ATP10A: variants seen among roughly 807,000 people sequenced by gnomAD.
The protein encoded by ATP10A is phospholipid-transporting ATPase VA.
In ATP10A, 111 loss-of-function variants were observed where a neutral mutation model predicts 147.8. The observed-to-expected ratio is 0.75, with a 90% CI of 0.64 to 0.88. The LOEUF (loss-of-function observed/expected upper bound fraction) is 0.88. Among genes scored for constraint, ATP10A ranks in the 40% least tolerant of loss-of-function variants. The pLI is 0.00. For synonymous variants in ATP10A, 875 were observed against 841.6 expected (o/e 1.04, Z -0.69); for missense variants, 1,927 against 1,959.0 (o/e 0.98, Z 0.31).
chr15:25,724,237 TGA>T (rs749464010), intron 5 of ATP10A, among the ~76,000 whole-genome samples: 5 of 152,224 alleles, frequency 3.3e-5, no homozygotes, highest in African/African-American at 9.6e-5. Flanking sequence ...TTCCTTACAC[TGA>T]GAGTTTCCCA....
At chr15:25,844,355 T>C (rs1478801173) in intron 1 of ATP10A, among the ~76,000 whole-genome samples, 3 of 152,148 alleles carry the variant, frequency 2.0e-5, no homozygotes, top group Non-Finnish European at 2.9e-5. Context: ...AGTTAAATTA[T>C]GAGGCAAGTA....
At chr15:25,706,155 A>G (rs778951737) in intron 12 of ATP10A, among the ~76,000 whole-genome samples, 1 of 152,220 alleles carries the variant, frequency 6.6e-6, no homozygotes, top group Non-Finnish European at 1.5e-5. Flanking sequence ...AAAAGGCCTA[A>G]GAAGATGACT....
chr15:25,741,346 G>T (rs951310392), intron 2 of ATP10A, among the ~76,000 whole-genome samples: 2 of 152,078 alleles, frequency 1.3e-5, no homozygotes, highest in African/African-American at 4.8e-5. Flanking sequence ...CCTGCCTGCC[G>T]CACCATCTCC....
At chr15:25,821,719 CT>C (rs1203462101) in intron 1 of ATP10A, among the ~76,000 whole-genome samples, 1 of 152,162 alleles carries the variant, frequency 6.6e-6, no homozygotes, top group African/African-American at 2.4e-5. Flanking sequence ...ACATTGTAGT[CT>C]TTAGAAATCA....
chr15:25,685,331 C>G (rs543392717), intron 16 of ATP10A, among the ~76,000 whole-genome samples: 4 of 152,290 alleles, frequency 2.6e-5, no homozygotes, highest in African/African-American at 9.6e-5. Context: ...GTCCTCTTCT[C>G]CTTTCTGCAC....
rs548200648 is a variant in ATP10A, at chr15:25,740,027, C to T, written c.655-3886G>A. Among the ~76,000 whole-genome samples, 15 of 152,308 alleles carry T rather than the reference C, an allele frequency of 9.8e-5. No homozygotes were observed. In the South Asian group the frequency reaches 2.9e-3, roughly 29 times the overall value. ...TAGAACAGCTGTGTCCCCTCTTCAACCACATGGGGGAGGCGTGTGTCTAAT... is the reference window on the plus strand; with the variant it reads ...TAGAACAGCTGTGTCCCCTCTTCAATCACATGGGGGAGGCGTGTGTCTAAT... On this transcript the variant is annotated intron_variant, in intron 2 of 20. Transcript: ENST00000555815.
chr15:25,847,366 A>G (rs1202183229), intron 1 of ATP10A, among the ~76,000 whole-genome samples: 6 of 152,200 alleles, frequency 3.9e-5, no homozygotes, highest in Admixed American at 2.0e-4. Flanking sequence ...GGAACAATGA[A>G]GAATTTATAA....
Position 25,781,123 on chromosome 15 carries a change from G to A in ATP10A, c.550C>T (p.Leu184Phe). ...AGCCCGTCGGGGTCACTGGAGGAGAGCAGCAGAATGTCCGCAGGGAAGATT... is the reference window on the plus strand; with the variant it reads ...AGCCCGTCGGGGTCACTGGAGGAGAACAGCAGAATGTCCGCAGGGAAGATT... ...NEIFPADILL[L>F]SSSDPDGLCH... The change falls in exon 2 of 21, where the codon CTC becomes TTC. Residue 184 changes from leucine to phenylalanine, a missense_variant. Physicochemically the swap from Leu to Phe is conservative, Grantham distance 22. Transcript: ENST00000555815. The A allele has an allele frequency of 1.2e-6, 2 of 1,614,228 alleles. No homozygotes were observed. The highest frequency in any genetic ancestry group is 1.1e-5 in the South Asian group (1 of 91,086).
At chr15:25,787,860 G>A (rs1890242375) in intron 1 of ATP10A, among the ~76,000 whole-genome samples, 1 of 152,064 alleles carries the variant, frequency 6.6e-6, no homozygotes, top group South Asian at 2.1e-4. Flanking sequence ...GCATAGATGA[G>A]GGATGAACTC....
At chr15:25,707,278 A>G (rs1186057759) in intron 12 of ATP10A, among the ~76,000 whole-genome samples, 2 of 152,140 alleles carry the variant, frequency 1.3e-5, no homozygotes, top group Non-Finnish European at 2.9e-5. Flanking sequence ...AGTGAAGATG[A>G]CCTGCCCAGG....
At position 25,734,778 on chromosome 15, in the gene ATP10A, G is replaced by A. The variant is rs138371732; in HGVS notation, c.740+1278C>T. Among the ~76,000 whole-genome samples, 757 of 152,230 alleles carry A rather than the reference G, an allele frequency of 5.0e-3. 9 individuals are homozygous for A. Among genetic ancestry groups the A allele is most frequent in the African/African-American group, 0.017 (717 of 41,546 alleles). On this transcript the variant is annotated intron_variant, in intron 3 of 20. Coordinates refer to ENST00000555815, the MANE Select transcript of ATP10A (RefSeq NM_024490.4). ...AATAAGGGCAATTCCAGTGGGTGACGGGGCCATCACTTGGCTGCAGACACA... is the reference window on the plus strand; with the variant it reads ...AATAAGGGCAATTCCAGTGGGTGACAGGGCCATCACTTGGCTGCAGACACA...
chr15:25,793,900 A>G (rs1890546068), intron 1 of ATP10A, among the ~76,000 whole-genome samples: 1 of 152,188 alleles, frequency 6.6e-6, no homozygotes, highest in Non-Finnish European at 1.5e-5. Flanking sequence ...GACTCACCCC[A>G]GGGTTCTCCG....
intron 12 of ATP10A, among the ~76,000 whole-genome samples, chr15:25,705,461 A>AAC (rs1900932918): frequency 3.7e-4 from 1 of 2,700 alleles, no homozygotes; most frequent in South Asian, 0.05. Context: ...AAACAAAAAA[A>AAC]AAAAACAAAA....
At chr15:25,750,439 A>G (rs1888084562) in intron 2 of ATP10A, among the ~76,000 whole-genome samples, 1 of 152,116 alleles carries the variant, frequency 6.6e-6, no homozygotes, top group South Asian at 2.1e-4. Flanking sequence ...TCCATACCAG[A>G]AAAAAATGAT....
At chr15:25,844,660 G>A (rs1181475675) in intron 1 of ATP10A, among the ~76,000 whole-genome samples, 1 of 152,190 alleles carries the variant, frequency 6.6e-6, no homozygotes, top group Non-Finnish European at 1.5e-5. Context: ...AAAGGAAGAA[G>A]AGGGCTCCTG....
Position 25,708,119 on chromosome 15 carries a change from G to T in ATP10A, c.2449-17C>A, listed in dbSNP as rs564268861. ...ACTCAGAACCTATGGGAGATACATTGTTGAGTGCTGCACCGGGCGCTGCTC... is the reference window on the plus strand; with the variant it reads ...ACTCAGAACCTATGGGAGATACATTTTTGAGTGCTGCACCGGGCGCTGCTC... On this transcript the variant is annotated splice_polypyrimidine_tract_variant and intron_variant, in intron 11 of 20. Coordinates refer to ENST00000555815, the MANE Select transcript of ATP10A (RefSeq NM_024490.4). 3.1e-6 allele frequency: 5 copies of T among 1,613,370 alleles called. No homozygotes were observed. The African/African-American group carries it at 6.7e-5, about 21-fold the overall frequency.
intron 1 of ATP10A, among the ~76,000 whole-genome samples, chr15:25,785,799 C>T (rs1429537517): frequency 3.3e-5 from 5 of 152,156 alleles, no homozygotes; most frequent in Non-Finnish European, 7.3e-5. Flanking sequence ...AAGAGGACAT[C>T]GTTGAATGGG....
intron 1 of ATP10A, chr15:25,861,792 G>C (rs912812179): frequency 4.5e-5 from 7 of 153,874 alleles, no homozygotes; most frequent in Admixed American, 1.9e-4. Flanking sequence ...CTTTCTCAGG[G>C]ACAGGGCCTT....
chr15:25,765,745 A>AAGTTCTT (rs1338040825), intron 2 of ATP10A, among the ~76,000 whole-genome samples: 18 of 152,190 alleles, frequency 1.2e-4, no homozygotes, highest in African/African-American at 4.3e-4. Flanking sequence ...ATTCATGATC[A>AAGTTCTT]AGTTCTTCTC....
Sources: allele counts gnomAD v4.1 joint callset (sites outside exome capture counted in the v4.1 genomes callset), GRCh38; gene constraint gnomAD v4.1.1; transcripts MANE v1.5; gene names NCBI Gene and HGNC (gene_info 2026-07-23, HGNC 2026-07-21).